Variants in SCAP observed in about 807,000 individuals in gnomAD.
SCAP encodes the protein SREBF chaperone, also known as sterol regulatory element-binding protein cleavage-activating protein.
Under a neutral mutation model 123.6 loss-of-function variants are expected in SCAP, and 65 were observed. The observed-to-expected ratio is 0.53, with a 90% CI of 0.43 to 0.65. The LOEUF (loss-of-function observed/expected upper bound fraction) is 0.65, where lower values mean the gene tolerates loss of function less well. SCAP is among the 30% of genes least tolerant of loss of function. The pLI, the probability that SCAP is intolerant of heterozygous loss-of-function variation, is 0.00. For missense variants in SCAP, 1,398 were observed against 1,712.5 expected, an observed-to-expected ratio of 0.82 and a Z score of 3.24; for synonymous variants, 740 against 726.3, an observed-to-expected ratio of 1.02 and a Z score of -0.30.
intron 1 of SCAP, among the ~76,000 whole-genome samples, chr3:47,462,104 T>C (rs1707663290): frequency 6.6e-6 from 1 of 152,148 alleles, no homozygotes; most frequent in Admixed American, 6.5e-5. Flanking sequence ...TACTTCGTTT[T>C]GTGGTAAAAA....
At chr3:47,432,696 G>C (rs1274824824) in intron 3 of SCAP, among the ~76,000 whole-genome samples, 1 of 151,850 alleles carries the variant, frequency 6.6e-6, no homozygotes, top group African/African-American at 2.4e-5. Flanking sequence ...TATTTTTTTA[G>C]AGACAAGGTC....
intron 3 of SCAP, among the ~76,000 whole-genome samples, chr3:47,429,269 C>A (rs1417695003): frequency 2.6e-5 from 4 of 152,244 alleles, no homozygotes; most frequent in Admixed American, 6.5e-5. Flanking sequence ...GGGCAGCGAG[C>A]CTCTTTTGCT....
chr3:47,414,834 G>A lies in SCAP; in HGVS notation c.3299C>T (p.Thr1100Ile), dbSNP rs1286857176. 6.7e-5 allele frequency: 107 copies of A among 1,606,518 alleles called. No homozygotes were observed. The highest frequency in any genetic ancestry group is 8.7e-5 in the Non-Finnish European group (102 of 1,176,806). Residue 1100 changes from threonine to isoleucine, a missense_variant, in exon 20 of 23, where the codon ACA becomes ATA. By Grantham distance (89) the Thr-to-Ile change is moderately conservative. Coordinates refer to ENST00000265565, the MANE Select transcript of SCAP (RefSeq NM_012235.4). ...AGACAAGACAATACTCACTCTCAGTGTGTGGTCTTGGCTCCCAGTCACCAA... is the reference window on the plus strand; with the variant it reads ...AGACAAGACAATACTCACTCTCAGTATGTGGTCTTGGCTCCCAGTCACCAA... ...GRLVTGSQDH[T>I]LRVFRLEDSC...
Position 47,420,826 on chromosome 3 carries a change from AC to A in SCAP, c.1345-55del. 1 of 1,502,696 alleles carries A rather than the reference AC, an allele frequency of 6.7e-7. No individual in the cohort carries two copies. Among genetic ancestry groups the A allele is most frequent in the Non-Finnish European group, 9.0e-7 (1 of 1,113,462 alleles). The allele number at this position is 1,502,696 out of a possible 1,614,324, so 93.1% of individuals were successfully genotyped here. ...AGTCCACCATCCAGAGGCTGCTCGC[AC>A]AGGACCGCTGTCCTGCCCGAGGTCT... is the stretch of plus-strand genomic sequence containing the variant. On this transcript the variant is annotated intron_variant, in intron 11 of 22. Transcript: ENST00000265565. The surrounding 1 kb of genome is among the most constrained non-coding windows in gnomAD (Gnocchi z 5.0).
rs1705863999 is a variant in SCAP, at chr3:47,420,782, GCA to G, written c.1345-12_1345-11del. 2 of 1,609,638 alleles carry G rather than the reference GCA, an allele frequency of 1.2e-6. No individual in the cohort carries two copies. The highest frequency in any genetic ancestry group is 1.7e-6 in the Non-Finnish European group (2 of 1,178,898). On this transcript the variant is annotated splice_polypyrimidine_tract_variant and intron_variant, in intron 11 of 22. Transcript: ENST00000265565. This position sits in a 1 kb window ranked among gnomAD's most constrained non-coding sequence, Gnocchi z 5.0. ...TGTTCAGGTCTGCTAGCTGTTGGGG[GCA>G]CAGTGGTCAGGGCCTGAGTCCACCA... is the stretch of plus-strand genomic sequence containing the variant.
chr3:47,417,911 G>GAGA (rs1353534858), intron 16 of SCAP, 85 bp from the exon 17 acceptor site: 5 of 391,416 alleles, frequency 1.3e-5, no homozygotes, highest in East Asian at 4.6e-5. Context: ...GGGGGCGTGG[G>GAGA]AGTGAGAAGG....
chr3:47,464,629 T>C (rs927425271), intron 1 of SCAP, among the ~76,000 whole-genome samples: 2 of 152,274 alleles, frequency 1.3e-5, no homozygotes, highest in Non-Finnish European at 1.5e-5. Context: ...AAGGGGTATA[T>C]ATGAAAATCT....
In SCAP at chr3:47,415,012, G is replaced by A; in HGVS notation, c.3140-19C>T. The A allele has an allele frequency of 6.3e-7, 1 of 1,580,710 alleles. No individual in the cohort carries two copies. The highest frequency in any genetic ancestry group is 8.6e-7 in the Non-Finnish European group (1 of 1,164,162). ...GGGGTCCCTGAGGACAAAAGGCCAA[G>A]TGAAGAATCTCTGAGAAAGCAATGG... On this transcript the variant is annotated intron_variant, in intron 19 of 22. Coordinates refer to ENST00000265565, the MANE Select transcript of SCAP (RefSeq NM_012235.4).
At chr3:47,457,068 G>C (rs1178779175) in intron 1 of SCAP, among the ~76,000 whole-genome samples, 2 of 152,044 alleles carry the variant, frequency 1.3e-5, no homozygotes, top group Non-Finnish European at 2.9e-5. Flanking sequence ...GAAACATTCA[G>C]AGAAAAAAGC....
chr3:47,470,957 C>T (rs1708004760), intron 1 of SCAP, among the ~76,000 whole-genome samples: 1 of 152,104 alleles, frequency 6.6e-6, no homozygotes, highest in African/African-American at 2.4e-5. Flanking sequence ...TAATAAACTT[C>T]TCCCCCCAAA....
At chr3:47,432,108 G>A (rs1706381381) in intron 3 of SCAP, among the ~76,000 whole-genome samples, 1 of 152,014 alleles carries the variant, frequency 6.6e-6, no homozygotes, top group Admixed American at 6.6e-5. Flanking sequence ...CACAAGATCA[G>A]GAGATCAAGA....
At chr3:47,425,076 TTCTC>T (rs2107811371) in intron 8 of SCAP, among the ~76,000 whole-genome samples, 1 of 152,312 alleles carries the variant, frequency 6.6e-6, no homozygotes, top group African/African-American at 2.4e-5. Context: ...AAATGTTCTC[TTCTC>T]TATCTCACAC....
chr3:47,464,205 G>A (rs909868085), intron 1 of SCAP, among the ~76,000 whole-genome samples: 5 of 151,960 alleles, frequency 3.3e-5, no homozygotes, highest in East Asian at 1.9e-4. Context: ...TAGTAGAGAC[G>A]GGGTTTCACC....
rs761001660 is a variant in SCAP, at chr3:47,418,650, C to T, written c.2129+5G>A. ...TTCCCACCCCACCCCACCCAGCAGC[C>T]TTACTTGTACAGCGTGACGTCTCCA... On this transcript the variant is annotated splice_donor_5th_base_variant and intron_variant, in intron 14 of 22. Coordinates refer to ENST00000265565, the MANE Select transcript of SCAP (RefSeq NM_012235.4). 3.7e-5 allele frequency: 60 copies of T among 1,605,722 alleles called. 1 individual carries two copies. Among genetic ancestry groups the T allele is most frequent in the Non-Finnish European group, 4.3e-5 (51 of 1,176,830 alleles).
chr3:47,420,422 G>T lies in SCAP; in HGVS notation c.1563+132C>A. On this transcript the variant is annotated intron_variant, in intron 12 of 22. Transcript: ENST00000265565. The surrounding 1 kb of genome is among the most constrained non-coding windows in gnomAD (Gnocchi z 5.0). ...GGAGGACACAACGGGCAACTCCCCAGAGCCAGGCTTCCAGGGGCCACCAGG... is the reference window on the plus strand; with the variant it reads ...GGAGGACACAACGGGCAACTCCCCATAGCCAGGCTTCCAGGGGCCACCAGG... The T allele has an allele frequency of 1.2e-6, 1 of 801,504 alleles. No homozygotes were observed. The highest frequency in any genetic ancestry group is 1.9e-6 in the Non-Finnish European group (1 of 520,270). 49.6% of individuals were successfully genotyped at this position (801,504 alleles called of 1,614,324 possible). A position where few individuals can be genotyped will look rare whatever the true frequency, so the allele number is the denominator to read the frequency against.
At chr3:47,474,264 C>CAAA (rs34683292) in intron 1 of SCAP, among the ~76,000 whole-genome samples, 1 of 137,026 alleles carries the variant, frequency 7.3e-6, no homozygotes. Flanking sequence ...GACTCCATCT[C>CAAA]AAAAAAAAAA....
intron 1 of SCAP, among the ~76,000 whole-genome samples, chr3:47,446,176 CTTT>C (rs1291703603): frequency 1.5e-5 from 2 of 129,152 alleles, no homozygotes; most frequent in Admixed American, 8.0e-5. Flanking sequence ...CCTGGCCAAC[CTTT>C]TTTTTTTTTT....
rs1480635697 is a variant in SCAP at position 47,447,725 on chromosome 3, G to A, written c.-98-4634C>T. Among the ~76,000 whole-genome samples the A allele has an allele frequency of 2.7e-5, 4 of 150,816 alleles. No homozygotes were observed. In the East Asian group the frequency reaches 5.8e-4, roughly 22 times the overall value. On this transcript the variant is annotated intron_variant, in intron 1 of 22. Transcript: ENST00000265565. ...GAAAAGAAAAGAAAAAAGAAAAAAAGGCCAGGTGTGGTGGTTCATGCCTGT... is the reference window on the plus strand; with the variant it reads ...GAAAAGAAAAGAAAAAAGAAAAAAAAGCCAGGTGTGGTGGTTCATGCCTGT...
intron 1 of SCAP, among the ~76,000 whole-genome samples, chr3:47,472,606 C>T (rs1708074516): frequency 6.6e-6 from 1 of 152,104 alleles, no homozygotes; most frequent in African/African-American, 2.4e-5. Context: ...TTTAGCATCC[C>T]TGCAACCATT....
Sources: gnomAD v4.1 joint callset for allele counts (sites outside exome capture counted in the v4.1 genomes callset) on GRCh38, gnomAD v4.1.1 for gene constraint, Gnocchi (gnomAD v3.1) non-coding constraint, MANE v1.5 for transcripts, NCBI Gene and HGNC (gene_info 2026-07-23, HGNC 2026-07-21) for gene names.